The following OSBP variants were observed in gnomAD, a reference collection of about 807,000 sequenced individuals.
OSBP encodes oxysterol binding protein.
A neutral mutation model predicts 96.6 loss-of-function variants in OSBP; 32 were observed. The ratio of observed to expected loss-of-function variants is 0.33; its 90% CI spans 0.25 to 0.45. OSBP has a LOEUF of 0.45. Among genes scored for constraint, OSBP ranks in the 20% least tolerant of loss-of-function variants. OSBP has a pLI of 1.00. For synonymous variants in OSBP, 369 were observed against 389.6 expected (o/e 0.95, Z 0.62); for missense variants, 653 against 1,029.7 (o/e 0.63, Z 5.01).
chr11:59,591,786 A>G (rs1860585563), intron 9 of OSBP, among the ~76,000 whole-genome samples: 1 of 151,702 alleles, frequency 6.6e-6, no homozygotes, highest in African/African-American at 2.4e-5. Context: ...ACGCCTGGCT[A>G]ATTTTTGTAT....
At chr11:59,599,389 CT>C (rs1226104536) in intron 7 of OSBP, among the ~76,000 whole-genome samples, 3 of 152,330 alleles carry the variant, frequency 2.0e-5, no homozygotes, top group Admixed American at 2.0e-4. Flanking sequence ...GTGATGACCC[CT>C]GGCTTAAACT....
At chr11:59,615,078 A>C (rs1355476920) in intron 1 of OSBP, among the ~76,000 whole-genome samples, 1 of 152,216 alleles carries the variant, frequency 6.6e-6, no homozygotes, top group Non-Finnish European at 1.5e-5. Flanking sequence ...AAGGGAAGAT[A>C]AGGCACCAAG....
In OSBP at chr11:59,592,266, C is replaced by A. The variant is rs559454654; in HGVS notation, c.1678+1338G>T. Among the ~76,000 whole-genome samples, 6 of 152,276 alleles carry A rather than the reference C, an allele frequency of 3.9e-5. No homozygotes were observed. The East Asian group carries it at 1.2e-3, about 29-fold the overall frequency. On this transcript the variant is annotated intron_variant, in intron 9 of 13. Coordinates refer to ENST00000263847, the MANE Select transcript of OSBP (RefSeq NM_002556.3). ...ACTTAGTCTCCTTTTCGTTTAGGGA[C>A]CTTCTGCATATTAACCATGAAATTA... is the stretch of plus-strand genomic sequence containing the variant.
intron 3 of OSBP, among the ~76,000 whole-genome samples, chr11:59,603,534 T>G (rs1015013791): frequency 2.1e-5 from 3 of 145,744 alleles, no homozygotes; most frequent in African/African-American, 7.7e-5. Flanking sequence ...CTTCAGTTTT[T>G]TTTTTTTTTT....
chr11:59,588,807 A>C (rs1454277025), intron 9 of OSBP, among the ~76,000 whole-genome samples: 1 of 152,122 alleles, frequency 6.6e-6, no homozygotes, highest in African/African-American at 2.4e-5. Flanking sequence ...GTAGTTCAAG[A>C]CCAGCCTGGC....
chr11:59,580,394 T>G (rs1369677002), intron 10 of OSBP, 125 bp from the exon 11 acceptor site: 4 of 676,514 alleles, frequency 5.9e-6, no homozygotes, highest in Non-Finnish European at 1.0e-5. Flanking sequence ...GATTCAGATC[T>G]TAGCTAGCCT....
At chr11:59,603,258 T>C (rs545320442) in intron 3 of OSBP, among the ~76,000 whole-genome samples, 75 of 152,334 alleles carry the variant, frequency 4.9e-4, no homozygotes, top group Non-Finnish European at 9.6e-4. Context: ...CTGTACATAA[T>C]AGGGATCTGA....
chr11:59,577,087 C>A, intron 12 of OSBP, 62 bp from the exon 13 acceptor site: 1 of 1,381,208 alleles, frequency 7.2e-7, no homozygotes, highest in South Asian at 1.3e-5. Flanking sequence ...ATTTAAAGAG[C>A]AACAACTAAG....
At position 59,615,413 on chromosome 11, in the gene OSBP, A is replaced by G. The variant is rs779129235; in HGVS notation, c.252T>C (p.Ala84=). 5.3e-5 allele frequency: 81 copies of G among 1,535,210 alleles called. 1 individual carries two copies. In the Middle Eastern group the frequency reaches 1.8e-3, roughly 33 times the overall value. Residue 84 remains alanine, a synonymous_variant, in exon 1 of 14, where the codon GCT becomes GCC. Transcript: ENST00000263847. ...CCTCTCGAGCCGAGCCCGAACCCCC[A>G]GCGCCCGAGCCGCCCGAGCCCCCAG... The part of the protein sequence containing the change: ...PPTGGSGGSG[A]GGSGSAREGW...
At chr11:59,602,452 A>T (rs936493974) in intron 3 of OSBP, among the ~76,000 whole-genome samples, 1 of 152,160 alleles carries the variant, frequency 6.6e-6, no homozygotes, top group African/African-American at 2.4e-5. Flanking sequence ...TAGAGAAAAA[A>T]CCCACAAATA....
chr11:59,610,484 A>G lies in OSBP; in HGVS notation c.468T>C (p.Ala156=). ...AACTAGCTTTCAGATGGTAGGTCTGAGCACCCCCATTGGAAATGATGAAGT... is the reference window on the plus strand; with the variant it reads ...AACTAGCTTTCAGATGGTAGGTCTGGGCACCCCCATTGGAAATGATGAAGT... ...SCNFIISNGG[A]QTYHLKASSE... The change falls in exon 2 of 14, where the codon GCT becomes GCC. Residue 156 remains alanine (A), a synonymous_variant. Coordinates refer to ENST00000263847, the MANE Select transcript of OSBP (RefSeq NM_002556.3). 3.1e-6 allele frequency: 5 copies of G among 1,614,170 alleles called. No individual in the cohort carries two copies. Among genetic ancestry groups the G allele is most frequent in the Non-Finnish European group, 4.2e-6 (5 of 1,180,022 alleles).
In OSBP at chr11:59,615,648, A is replaced by G. The variant is rs1860918750; in HGVS notation, c.17T>C (p.Leu6Pro). 7.4e-7 allele frequency: 1 copy of G among 1,358,156 alleles called. No homozygotes were observed. The highest frequency in any genetic ancestry group is 3.1e-5 in the East Asian group (1 of 32,004). 84.1% of individuals were successfully genotyped at this position (1,358,156 alleles called of 1,614,324 possible). Reference protein sequence around the residue: MAATELRGVVGPGPAA... With the variant: MAATEPRGVVGPGPAA... Reference sequence around the variant, plus strand: ...CGGGCCTGGCCCCACCACTCCTCTCAGCTCCGTCGCCGCCATGAGCCGCCG... The same window carrying G: ...CGGGCCTGGCCCCACCACTCCTCTCGGCTCCGTCGCCGCCATGAGCCGCCG... Residue 6 changes from leucine (L) to proline (P), a missense_variant, in exon 1 of 14, where the codon CTG becomes CCG. Physicochemically the swap from Leu to Pro is moderately conservative, Grantham distance 98. Transcript: ENST00000263847.
At chr11:59,599,912 T>G (rs1860699200) in intron 7 of OSBP, among the ~76,000 whole-genome samples, 1 of 152,050 alleles carries the variant, frequency 6.6e-6, no homozygotes, top group Non-Finnish European at 1.5e-5. Flanking sequence ...GCAATGAAGA[T>G]CCAGTAAAGG....
intron 7 of OSBP, 108 bp from the exon 8 acceptor site, chr11:59,594,363 T>C: frequency 9.4e-7 from 1 of 1,059,812 alleles, no homozygotes; most frequent in Non-Finnish European, 1.4e-6. Flanking sequence ...AGGGCTTTGC[T>C]CAGTAGAGCG....
rs144931068 is a variant in OSBP, at chr11:59,590,192, G to A, written c.1678+3412C>T. ...TTAGATTTTCTTCAGTCATGGCTATGACTTTTTCAAAGTGGAGTTAACAGA... is the reference window on the plus strand; with the variant it reads ...TTAGATTTTCTTCAGTCATGGCTATAACTTTTTCAAAGTGGAGTTAACAGA... On this transcript the variant is annotated intron_variant, in intron 9 of 13. Transcript: ENST00000263847. Among the ~76,000 whole-genome samples, 377 of 152,272 alleles carry A rather than the reference G, an allele frequency of 2.5e-3. 1 individual carries two copies. Among genetic ancestry groups the A allele is most frequent in the African/African-American group, 8.7e-3 (360 of 41,550 alleles).
Position 59,615,434 on chromosome 11 carries a change from C to A in OSBP, c.231G>T (p.Gly77=). The A allele has an allele frequency of 6.7e-7, 1 of 1,491,300 alleles. No homozygotes were observed. Among genetic ancestry groups the A allele is most frequent in the East Asian group, 2.9e-5 (1 of 34,362 alleles). 92.4% of individuals were successfully genotyped at this position (1,491,300 alleles called of 1,614,324 possible). ...CCCCAGCGCCCGAGCCGCCCGAGCC[C>A]CCAGTCGGCGGCGCAGGGGCCGGGC... The part of the protein sequence containing the change: ...AAGPAPAPPT[G]GSGGSGAGGS... The change falls in exon 1 of 14, where the codon GGG becomes GGT. Residue 77 remains glycine, a synonymous_variant. Transcript: ENST00000263847.
At chr11:59,603,004 TAAGA>T (rs1860740981) in intron 3 of OSBP, among the ~76,000 whole-genome samples, 1 of 152,190 alleles carries the variant, frequency 6.6e-6, no homozygotes, top group African/African-American at 2.4e-5. Context: ...CCCCTGTTTC[TAAGA>T]AAGGGCAAAT....
At chr11:59,605,147 T>C (rs192628795) in intron 3 of OSBP, among the ~76,000 whole-genome samples, 52 of 152,018 alleles carry the variant, frequency 3.4e-4, no homozygotes, top group African/African-American at 1.2e-3. Flanking sequence ...AGCGAGACTC[T>C]GTCTCAAAAA....
intron 1 of OSBP, 102 bp downstream of exon 1, chr11:59,615,201 G>C: frequency 1.0e-6 from 1 of 986,894 alleles, no homozygotes; most frequent in Non-Finnish European, 1.5e-6. Flanking sequence ...AGGGGCCTGG[G>C]GCAACCCTGG....
Sources: gnomAD v4.1 joint callset for allele counts (sites outside exome capture counted in the v4.1 genomes callset) on GRCh38, gnomAD v4.1.1 for gene constraint, MANE v1.5 for transcripts, NCBI Gene and HGNC (gene_info 2026-07-23, HGNC 2026-07-21) for gene names.